The following ATG2B variants were observed in gnomAD, a reference collection of about 807,000 sequenced individuals.
ATG2B encodes the protein autophagy related 2B, also known as autophagy-related protein 2 homolog B.
Under a neutral mutation model 241.3 loss-of-function variants are expected in ATG2B, and 121 were observed. The observed-to-expected ratio is 0.50, with a 90% confidence interval of 0.43 to 0.58. The LOEUF is 0.58. Ranked by LOEUF, ATG2B falls within the 20% of genes least tolerant of loss-of-function variation. The pLI is 0.00. For missense variants in ATG2B, 2,306 were observed against 2,491.6 expected (o/e 0.93, Z 1.59); for synonymous variants, 858 against 876.6 (o/e 0.98, Z 0.37).
chr14:96,345,570 C>G (rs1292960042), intron 2 of ATG2B, among the ~76,000 whole-genome samples, 185 bp from the exon 3 acceptor site: 2 of 151,840 alleles, frequency 1.3e-5, no homozygotes, highest in African/African-American at 4.8e-5. Context: ...TTATAATAAC[C>G]AAGAAGGAAA....
At chr14:96,296,100 C>T (rs1468592948) in intron 34 of ATG2B, among the ~76,000 whole-genome samples, 1 of 152,196 alleles carries the variant, frequency 6.6e-6, no homozygotes, top group Non-Finnish European at 1.5e-5. Flanking sequence ...ACTACAGGCG[C>T]CCGCCACCAT....
intron 1 of ATG2B, among the ~76,000 whole-genome samples, chr14:96,359,961 G>A (rs1402314653): frequency 2.6e-5 from 4 of 152,218 alleles, no homozygotes; most frequent in Admixed American, 2.6e-4. Context: ...GGTACAAAGA[G>A]AAAACTAGTA....
At chr14:96,311,321 T>C in intron 27 of ATG2B, 34 bp from the exon 28 acceptor site, 3 of 1,574,934 alleles carry the variant, frequency 1.9e-6, no homozygotes, top group Admixed American at 3.8e-5. Context: ...ATGAAAATGT[T>C]TTCCAAATGA....
In ATG2B at chr14:96,306,799, TGA is replaced by T; in HGVS notation, c.4419_4420del (p.His1474ProfsTer5). 1 of 1,614,138 alleles carries T rather than the reference TGA, an allele frequency of 6.2e-7. No homozygotes were observed. The highest frequency in any genetic ancestry group is 8.5e-7 in the Non-Finnish European group (1 of 1,180,028). ...TGTCATTGCATCACTGATGAAATGG[TGA>T]GAGAATGAGGCATAGGTGGGGCCGG... On this transcript the variant is annotated frameshift_variant, in exon 30 of 42. Coordinates refer to ENST00000359933, the MANE Select transcript of ATG2B (RefSeq NM_018036.7). LOFTEE classifies it high-confidence loss of function.
rs932693237 is a variant in ATG2B at position 96,363,259 on chromosome 14, G to A, written c.-283C>T. 3 of 361,066 alleles carry A rather than the reference G, an allele frequency of 8.3e-6. No homozygotes were observed. The highest frequency in any genetic ancestry group is 4.4e-5 in the African/African-American group (2 of 45,804). 22.4% of individuals were successfully genotyped at this position (361,066 alleles called of 1,614,324 possible). ...GAGAGAGTGCAAGAGAGCGCGAGAGGAGGCGGCAGGGGCTGAGGCAGCCAC... is the reference window on the plus strand; with the variant it reads ...GAGAGAGTGCAAGAGAGCGCGAGAGAAGGCGGCAGGGGCTGAGGCAGCCAC... On this transcript the variant is annotated 5_prime_UTR_variant, in exon 1 of 42. Coordinates refer to ENST00000359933, the MANE Select transcript of ATG2B (RefSeq NM_018036.7).
intron 15 of ATG2B, 174 bp from the exon 16 acceptor site, chr14:96,324,172 A>G (rs966661830): frequency 1.8e-6 from 1 of 564,442 alleles, no homozygotes; most frequent in South Asian, 2.3e-5. Flanking sequence ...CCAATAAATT[A>G]AAGATTCTGT....
chr14:96,355,583 C>T (rs1179761902), intron 1 of ATG2B, among the ~76,000 whole-genome samples: 1 of 152,102 alleles, frequency 6.6e-6, no homozygotes, highest in African/African-American at 2.4e-5. Context: ...GTTACTGTGA[C>T]CATTAATGAG....
At position 96,340,124 on chromosome 14, in the gene ATG2B, T is replaced by TATATATC. The variant is rs1252743452; in HGVS notation, c.924+1391_924+1397dup. On this transcript the variant is annotated intron_variant, in intron 6 of 41. Coordinates refer to ENST00000359933, the MANE Select transcript of ATG2B (RefSeq NM_018036.7). ...ATAGAATATATGATATATATGAATA[T>TATATATC]ATATATCATATATGATATATATGAA... Among the ~76,000 whole-genome samples the TATATATC allele has an allele frequency of 9.6e-4, 23 of 23,944 alleles. 1 individual carries two copies. The highest frequency in any genetic ancestry group is 1.3e-3 in the Non-Finnish European group (17 of 12,848). 15.7% of individuals were successfully genotyped at this position (23,944 alleles called of 152,430 possible). A position where few individuals can be genotyped will look rare whatever the true frequency, so the allele number is the denominator to read the frequency against.
chr14:96,297,234 G>C (rs1886667614), intron 34 of ATG2B, among the ~76,000 whole-genome samples: 1 of 148,256 alleles, frequency 6.7e-6, no homozygotes, highest in African/African-American at 2.5e-5. Flanking sequence ...GCCATAAATG[G>C]TGGGACTCCA....
At chr14:96,310,133 C>G (rs1373496391) in intron 28 of ATG2B, among the ~76,000 whole-genome samples, 2 of 152,088 alleles carry the variant, frequency 1.3e-5, no homozygotes, top group South Asian at 4.1e-4. Context: ...AAACCCAGAT[C>G]GTGCTTTTTA....
chr14:96,301,269 G>A (rs1428284856), intron 34 of ATG2B, among the ~76,000 whole-genome samples: 1 of 152,160 alleles, frequency 6.6e-6, no homozygotes, highest in Non-Finnish European at 1.5e-5. Context: ...AAGGAACTAA[G>A]GCTTGGAGAT....
At chr14:96,318,958 T>C (rs908987532) in intron 18 of ATG2B, among the ~76,000 whole-genome samples, 2 of 152,184 alleles carry the variant, frequency 1.3e-5, no homozygotes, top group Admixed American at 6.5e-5. Flanking sequence ...TCTCTACATG[T>C]GCCTAGCACA....
chr14:96,356,940 T>C (rs1056185787), intron 1 of ATG2B, among the ~76,000 whole-genome samples: 4 of 152,136 alleles, frequency 2.6e-5, no homozygotes, highest in African/African-American at 9.7e-5. Flanking sequence ...ATGGAAGGTA[T>C]TTAATAAATG....
rs1480989420 is a variant in ATG2B at position 96,282,721 on chromosome 14, A to G, written c.*3034T>C. 6.6e-6 allele frequency: 1 copy of G among 152,202 alleles called. No homozygotes were observed. The highest frequency in any genetic ancestry group is 1.5e-5 in the Non-Finnish European group (1 of 68,038). 9.4% of individuals were successfully genotyped at this position (152,202 alleles called of 1,614,324 possible). A position where few individuals can be genotyped will look rare whatever the true frequency, so the allele number is the denominator to read the frequency against. On this transcript the variant is annotated 3_prime_UTR_variant, in exon 42 of 42. Coordinates refer to ENST00000359933, the MANE Select transcript of ATG2B (RefSeq NM_018036.7). ...TGCAGGGGCAGACACAGTTGTCTGG[A>G]CTCTTTTGGAAATGAACAAAGACAC... is the stretch of plus-strand genomic sequence containing the variant.
chr14:96,355,947 G>A (rs1226870256), intron 1 of ATG2B, among the ~76,000 whole-genome samples: 1 of 151,998 alleles, frequency 6.6e-6, no homozygotes, highest in Admixed American at 6.6e-5. Context: ...AGAGGCGGGG[G>A]AACACAAGAT....
In ATG2B at chr14:96,347,467, A is replaced by G. The variant is rs766490083; in HGVS notation, c.163-126T>C. 2.1e-4 allele frequency: 140 copies of G among 654,806 alleles called. 2 individuals are homozygous for G. The highest frequency in any genetic ancestry group is 4.1e-4 in the South Asian group (12 of 29,262). 40.6% of individuals were successfully genotyped at this position (654,806 alleles called of 1,614,324 possible). A position where few individuals can be genotyped will look rare whatever the true frequency, so the allele number is the denominator to read the frequency against. On this transcript the variant is annotated intron_variant, in intron 1 of 41. Coordinates refer to ENST00000359933, the MANE Select transcript of ATG2B (RefSeq NM_018036.7). ...AGGTATAAAGAAAGCAGAGACTTCC[A>G]CAAGTACAGGCAATCAAAGCAAAAG...
At chr14:96,341,743 T>A (rs781452423) in intron 5 of ATG2B, 42 bp from the exon 6 acceptor site, 1 of 1,332,692 alleles carries the variant, frequency 7.5e-7, no homozygotes, top group African/African-American at 1.5e-5. Context: ...AATACTTTCA[T>A]ATAAATAAAA....
rs745483524 is a variant in ATG2B at position 96,290,529 on chromosome 14, A to G, written c.5763T>C (p.Ile1921=). 1.9e-6 allele frequency: 3 copies of G among 1,614,102 alleles called. No homozygotes were observed. Among genetic ancestry groups the G allele is most frequent in the Non-Finnish European group, 2.5e-6 (3 of 1,180,052 alleles). Residue 1921 remains isoleucine, a synonymous_variant, in exon 40 of 42, where the codon ATT becomes ATC. Coordinates refer to ENST00000359933, the MANE Select transcript of ATG2B (RefSeq NM_018036.7). This position sits in a 1 kb window ranked among gnomAD's most constrained non-coding sequence, Gnocchi z 4.4. ...CAGCGCCTCTCTGAAACCCTCTGAC[A>G]ATGCGGCCATCCTTCCGGTACTGCT... ...PIEQYRKDGR[I]VRGFQRGAAS... is the part of the protein sequence containing the mutation.
intron 11 of ATG2B, among the ~76,000 whole-genome samples, chr14:96,329,902 T>C (rs951327583): frequency 1.3e-5 from 2 of 152,292 alleles, no homozygotes; most frequent in Admixed American, 6.5e-5. Flanking sequence ...CTGTAAAATA[T>C]ATGAAATAGT....
Sources: allele counts gnomAD v4.1 joint callset (sites outside exome capture counted in the v4.1 genomes callset), GRCh38; gene constraint gnomAD v4.1.1; non-coding constraint Gnocchi (gnomAD v3.1); transcripts MANE v1.5; gene names NCBI Gene and HGNC (gene_info 2026-07-23, HGNC 2026-07-21).